HS6ST3: variants seen among roughly 807,000 people sequenced by gnomAD.
HS6ST3 encodes heparan-sulfate 6-O-sulfotransferase 3.
In HS6ST3, 12 loss-of-function variants were observed where a neutral mutation model predicts 36.7. The ratio of observed to expected loss-of-function variants is 0.33; its 90% confidence interval spans 0.21 to 0.53. The LOEUF (loss-of-function observed/expected upper bound fraction) is 0.53. Among genes scored for constraint, HS6ST3 ranks in the 20% least tolerant of loss-of-function variants. HS6ST3 has a pLI of 0.95. For synonymous variants in HS6ST3, 240 were observed against 257.5 expected (o/e 0.93, Z 0.65); for missense variants, 584 against 640.9 (o/e 0.91, Z 0.96).
At chr13:96,512,980 T>G (rs1195648072) in intron 1 of HS6ST3, among the ~76,000 whole-genome samples, 1 of 152,000 alleles carries the variant, frequency 6.6e-6, no homozygotes, top group Non-Finnish European at 1.5e-5. Context: ...TCATAGATGT[T>G]GTCATCCCTT....
At chr13:96,572,343 T>C (rs1321293315) in intron 1 of HS6ST3, among the ~76,000 whole-genome samples, 1 of 152,174 alleles carries the variant, frequency 6.6e-6, no homozygotes, top group African/African-American at 2.4e-5. Flanking sequence ...ATATTTTACC[T>C]CTCTACTCTC....
intron 1 of HS6ST3, among the ~76,000 whole-genome samples, chr13:96,178,992 T>C (rs1293099124): frequency 7.9e-5 from 12 of 152,156 alleles, no homozygotes; most frequent in Non-Finnish European, 7.3e-5. Flanking sequence ...ACACTAACAT[T>C]TACTAAAACA....
At chr13:96,811,233 T>C (rs1878310817) in intron 1 of HS6ST3, among the ~76,000 whole-genome samples, 1 of 152,186 alleles carries the variant, frequency 6.6e-6, no homozygotes, top group Non-Finnish European at 1.5e-5. Context: ...TAAGAAGTGA[T>C]AAGGCACCAT....
intron 1 of HS6ST3, among the ~76,000 whole-genome samples, chr13:96,111,262 A>C (rs1488162637): frequency 1.3e-5 from 2 of 152,236 alleles, no homozygotes; most frequent in Admixed American, 6.5e-5. Flanking sequence ...ATTATCATAT[A>C]GCTTAATTAC....
chr13:96,713,638 A>G (rs968317392), intron 1 of HS6ST3, among the ~76,000 whole-genome samples: 2 of 152,176 alleles, frequency 1.3e-5, no homozygotes, highest in Non-Finnish European at 2.9e-5. Context: ...GACTATTTGT[A>G]AAAGTAATTT....
intron 1 of HS6ST3, among the ~76,000 whole-genome samples, chr13:96,460,960 GGAACAAC>G (rs2055781470): frequency 6.6e-6 from 1 of 152,212 alleles, no homozygotes; most frequent in Admixed American, 6.5e-5. Flanking sequence ...TAAGTGCTAT[GGAACAAC>G]CCACTGTAGG....
intron 1 of HS6ST3, among the ~76,000 whole-genome samples, chr13:96,785,586 C>T (rs892705007): frequency 2.6e-5 from 4 of 152,150 alleles, no homozygotes; most frequent in African/African-American, 7.2e-5. Context: ...TTCATTGTGC[C>T]TTGTGCTTGA....
intron 1 of HS6ST3, among the ~76,000 whole-genome samples, chr13:96,486,306 A>G (rs1466727651): frequency 2.0e-5 from 3 of 152,054 alleles, no homozygotes; most frequent in African/African-American, 7.2e-5. Context: ...GCTATTGTGA[A>G]TAGTGCCTCA....
At chr13:96,653,326 A>G (rs1272060749) in intron 1 of HS6ST3, among the ~76,000 whole-genome samples, 2 of 151,018 alleles carry the variant, frequency 1.3e-5, no homozygotes, top group African/African-American at 2.4e-5. Flanking sequence ...CGTCATCTAC[A>G]TTAGGTATTT....
intron 1 of HS6ST3, among the ~76,000 whole-genome samples, chr13:96,693,317 A>G (rs1426078400): frequency 6.6e-6 from 1 of 151,956 alleles, no homozygotes; most frequent in African/African-American, 2.4e-5. Flanking sequence ...TATTATTATT[A>G]TTTTGAGATG....
At position 96,278,064 on chromosome 13, in the gene HS6ST3, A is replaced by G. The variant is rs191112806; in HGVS notation, c.707+186495A>G. ...TTTTAAAGACATGGCTGACATGGCTAACCTGTCTTAGGAGAGCCATCTTGG... is the reference window on the plus strand; with the variant it reads ...TTTTAAAGACATGGCTGACATGGCTGACCTGTCTTAGGAGAGCCATCTTGG... On this transcript the variant is annotated intron_variant, in intron 1 of 1. Coordinates refer to ENST00000376705, the MANE Select transcript of HS6ST3 (RefSeq NM_153456.4). 4.8e-3 allele frequency among the ~76,000 whole-genome samples: 736 copies of G among 152,330 alleles called. 6 individuals carry two copies. The highest frequency in any genetic ancestry group is 7.8e-3 in the Non-Finnish European group (530 of 68,032).
At chr13:96,339,693 T>G (rs1456823496) in intron 1 of HS6ST3, among the ~76,000 whole-genome samples, 1 of 152,206 alleles carries the variant, frequency 6.6e-6, no homozygotes, top group East Asian at 1.9e-4. Flanking sequence ...GCTGCCCAGC[T>G]CTTCAGACAA....
intron 1 of HS6ST3, among the ~76,000 whole-genome samples, chr13:96,519,100 T>C (rs2138925689): frequency 6.6e-6 from 1 of 152,328 alleles, no homozygotes; most frequent in East Asian, 1.9e-4. Flanking sequence ...TTAAAAGCTA[T>C]TTACTTGGCG....
chr13:96,325,537 C>T (rs563296794), intron 1 of HS6ST3, among the ~76,000 whole-genome samples: 2 of 152,054 alleles, frequency 1.3e-5, no homozygotes, highest in African/African-American at 2.4e-5. Flanking sequence ...TATTGGGCAT[C>T]GTAAGTAATC....
At chr13:96,560,174 C>T (rs1010282325) in intron 1 of HS6ST3, among the ~76,000 whole-genome samples, 8 of 152,044 alleles carry the variant, frequency 5.3e-5, no homozygotes, top group Non-Finnish European at 1.2e-4. Context: ...GCGTGGGCCC[C>T]CTGAATGTGC....
intron 1 of HS6ST3, among the ~76,000 whole-genome samples, chr13:96,362,066 T>C (rs897497301): frequency 6.6e-6 from 1 of 152,122 alleles, no homozygotes; most frequent in Admixed American, 6.6e-5. Flanking sequence ...TGCTAGGTAA[T>C]AGGTGAGCGG....
intron 1 of HS6ST3, among the ~76,000 whole-genome samples, chr13:96,677,426 T>C (rs2056702482): frequency 6.6e-6 from 1 of 152,142 alleles, no homozygotes; most frequent in Non-Finnish European, 1.5e-5. Flanking sequence ...AGGCTGGTCT[T>C]CCTACAATGG....
chr13:96,643,689 T>G (rs2056578373), intron 1 of HS6ST3, among the ~76,000 whole-genome samples: 1 of 151,828 alleles, frequency 6.6e-6, no homozygotes, highest in Non-Finnish European at 1.5e-5. Context: ...GAGTGGAGTC[T>G]TCCAGGGAAA....
chr13:96,552,319 T>C (rs769996534), intron 1 of HS6ST3, among the ~76,000 whole-genome samples: 12 of 152,164 alleles, frequency 7.9e-5, no homozygotes, highest in Non-Finnish European at 1.2e-4. Context: ...CTCATTGTCT[T>C]GCATCCTGAT....
Sources: gnomAD v4.1 joint callset for allele counts (sites outside exome capture counted in the v4.1 genomes callset) on GRCh38, gnomAD v4.1.1 for gene constraint, MANE v1.5 for transcripts, NCBI Gene and HGNC (gene_info 2026-07-23, HGNC 2026-07-21) for gene names.